PTPRD: variants seen among roughly 807,000 people sequenced by gnomAD.
PTPRD encodes the protein protein tyrosine phosphatase receptor type D, also known as receptor-type tyrosine-protein phosphatase delta.
A neutral mutation model predicts 214.5 loss-of-function variants in PTPRD; 34 were observed. The observed-to-expected ratio is 0.16, with a 90% confidence interval of 0.12 to 0.21. PTPRD has a LOEUF of 0.21. PTPRD is among the 10% of genes least tolerant of loss of function. The pLI is 1.00. For missense variants in PTPRD, 2,545 were observed against 2,398.7 expected, an observed-to-expected ratio of 1.06 and a Z score of -1.27; for synonymous variants, 1,128 against 845.7, an observed-to-expected ratio of 1.33 and a Z score of -5.79.
chr9:9,425,421 TTATA>T (rs1257455345), intron 8 of PTPRD, among the ~76,000 whole-genome samples: 1 of 6,506 alleles, frequency 1.5e-4, no homozygotes, highest in East Asian at 1.3e-3. Flanking sequence ...ATATATAATA[TTATA>T]ATATCTTATA....
At chr9:10,027,688 T>C (rs935008538) in intron 4 of PTPRD, among the ~76,000 whole-genome samples, 1 of 152,110 alleles carries the variant, frequency 6.6e-6, no homozygotes, top group Non-Finnish European at 1.5e-5. Context: ...TGGCAAAAAA[T>C]ACATTTTTTC....
At chr9:9,190,875 G>A (rs1282811574) in intron 9 of PTPRD, among the ~76,000 whole-genome samples, 1 of 152,052 alleles carries the variant, frequency 6.6e-6, no homozygotes, top group Non-Finnish European at 1.5e-5. Flanking sequence ...TTAATGGGAT[G>A]AGACTTTGGG....
rs57991748 is a variant in PTPRD at position 9,998,129 on chromosome 9, A to AAATATATATAT, written c.-472+35588_-472+35589insATATATATATT. On this transcript the variant is annotated intron_variant, in intron 4 of 45. Transcript: ENST00000381196. ...TTAAAGTATAATAAAAAAAAAAAAA[A>AAATATATATAT]ATATATATATATATATAAAAGAAGA... Among the ~76,000 whole-genome samples, 885 of 91,394 alleles carry AAATATATATAT rather than the reference A, an allele frequency of 9.7e-3. 12 individuals carry two copies. The highest frequency in any genetic ancestry group is 0.013 in the Non-Finnish European group (639 of 50,732). 60.0% of individuals were successfully genotyped at this position (91,394 alleles called of 152,430 possible). A position where few individuals can be genotyped will look rare whatever the true frequency, so the allele number is the denominator to read the frequency against.
At chr9:10,226,193 C>T (rs1047723902) in intron 3 of PTPRD, among the ~76,000 whole-genome samples, 1 of 151,968 alleles carries the variant, frequency 6.6e-6, no homozygotes, top group Non-Finnish European at 1.5e-5. Context: ...GCACTTAGTA[C>T]CTGGATAAGG....
intron 4 of PTPRD, among the ~76,000 whole-genome samples, chr9:9,984,559 C>G (rs934637963): frequency 1.3e-5 from 2 of 152,264 alleles, no homozygotes; most frequent in Middle Eastern, 3.4e-3. Context: ...TATGGGTACA[C>G]AGAGTGACTT....
intron 10 of PTPRD, among the ~76,000 whole-genome samples, chr9:9,089,956 G>GATACAAATTGA (rs1226370698): frequency 6.6e-6 from 1 of 152,024 alleles, no homozygotes; most frequent in Non-Finnish European, 1.5e-5. Flanking sequence ...CATAATGTTT[G>GATACAAATTGA]TCCATATTTA....
At chr9:10,529,077 T>G (rs963340450) in intron 2 of PTPRD, among the ~76,000 whole-genome samples, 4 of 152,174 alleles carry the variant, frequency 2.6e-5, no homozygotes, top group Non-Finnish European at 4.4e-5. Context: ...TTCATTTTCA[T>G]GACAATGAAA....
At chr9:10,010,152 G>A (rs1011861362) in intron 4 of PTPRD, among the ~76,000 whole-genome samples, 4 of 151,758 alleles carry the variant, frequency 2.6e-5, no homozygotes, top group Non-Finnish European at 5.9e-5. Context: ...AACAAATTTA[G>A]GAAATTAACT....
At chr9:10,360,679 C>G (rs547751082) in intron 2 of PTPRD, among the ~76,000 whole-genome samples, 1 of 152,064 alleles carries the variant, frequency 6.6e-6, no homozygotes, top group African/African-American at 2.4e-5. Flanking sequence ...TTGATGACCC[C>G]CCAAAAGCTT....
intron 14 of PTPRD, among the ~76,000 whole-genome samples, chr9:8,599,613 C>CCCTTTTTT (rs2094698008): frequency 1.9e-5 from 1 of 53,426 alleles, no homozygotes; most frequent in Non-Finnish European, 3.6e-5. Context: ...CCCGCCCACC[C>CCCTTTTTT]TTTTTTTTTT....
At chr9:8,679,232 A>C (rs996129163) in intron 12 of PTPRD, among the ~76,000 whole-genome samples, 8 of 152,210 alleles carry the variant, frequency 5.3e-5, no homozygotes, top group Non-Finnish European at 7.4e-5. Context: ...ACAACTTCAA[A>C]GCAGTTTGTT....
At chr9:10,030,406 A>G (rs1431198807) in intron 4 of PTPRD, among the ~76,000 whole-genome samples, 2 of 152,232 alleles carry the variant, frequency 1.3e-5, no homozygotes, top group African/African-American at 2.4e-5. Flanking sequence ...CTAATGTGCT[A>G]TCGAATAGAT....
intron 21 of PTPRD, among the ~76,000 whole-genome samples, chr9:8,515,249 C>G (rs1166558672): frequency 1.3e-5 from 2 of 152,154 alleles, no homozygotes; most frequent in African/African-American, 4.8e-5. Flanking sequence ...TACTCATTGG[C>G]AAGTGGGATA....
intron 5 of PTPRD, among the ~76,000 whole-genome samples, chr9:9,786,712 T>C (rs374685409): frequency 6.6e-6 from 1 of 152,178 alleles, no homozygotes; most frequent in African/African-American, 2.4e-5. Flanking sequence ...ACATGGCACA[T>C]GTACACATAC....
intron 7 of PTPRD, among the ~76,000 whole-genome samples, chr9:9,709,854 G>C (rs936099447): frequency 6.6e-6 from 1 of 151,908 alleles, no homozygotes; most frequent in Non-Finnish European, 1.5e-5. Context: ...CTATGTATAC[G>C]TATGTATGAA....
At chr9:9,597,604 G>T (rs2093447915) in intron 7 of PTPRD, among the ~76,000 whole-genome samples, 1 of 151,962 alleles carries the variant, frequency 6.6e-6, no homozygotes, top group African/African-American at 2.4e-5. Flanking sequence ...TTACAAAGCT[G>T]GGGGAAGTCA....
chr9:10,302,322 G>A (rs2095886339), intron 3 of PTPRD, among the ~76,000 whole-genome samples: 1 of 152,138 alleles, frequency 6.6e-6, no homozygotes, highest in South Asian at 2.1e-4. Flanking sequence ...ATACCAAATT[G>A]TAAAGACCAT....
chr9:9,368,645 T>G (rs187151910), intron 9 of PTPRD, among the ~76,000 whole-genome samples: 4 of 152,004 alleles, frequency 2.6e-5, no homozygotes, highest in African/African-American at 9.6e-5. Context: ...ATCATTTTGG[T>G]GGACTAATTC....
At chr9:9,613,776 T>C (rs116533129) in intron 7 of PTPRD, among the ~76,000 whole-genome samples, 1,926 of 152,292 alleles carry the variant, frequency 0.013, 39 homozygotes, top group African/African-American at 0.044. Flanking sequence ...GCCTGTATTT[T>C]ATAGAGATCC....
Sources: allele counts gnomAD v4.1 joint callset (sites outside exome capture counted in the v4.1 genomes callset), GRCh38; gene constraint gnomAD v4.1.1; transcripts MANE v1.5; gene names NCBI Gene and HGNC (gene_info 2026-07-23, HGNC 2026-07-21).